Variants in MTMR3 observed in about 807,000 individuals in gnomAD.
MTMR3 encodes phosphatidylinositol-3,5-bisphosphate 3-phosphatase MTMR3.
MTMR3 carries 32 observed loss-of-function variants against 132.4 expected under a neutral mutation model. The observed-to-expected ratio is 0.24, with a 90% CI of 0.18 to 0.32. MTMR3 has a LOEUF of 0.32. Among genes scored for constraint, MTMR3 ranks in the 10% least tolerant of loss-of-function variants. The pLI, the probability that MTMR3 is intolerant of heterozygous loss-of-function variation, is 1.00. For synonymous variants in MTMR3, 556 were observed against 550.3 expected (o/e 1.01, Z -0.14); for missense variants, 1,216 against 1,489.6 (o/e 0.82, Z 3.02).
rs768504864 is a variant in MTMR3 at position 29,979,101 on chromosome 22, G to A, written c.210+49G>A. ...CCTCTAAGGTAAATGGAGAAAGTAA[G>A]TCAAAAAACTTAATGCTCTCAAAGA... On this transcript the variant is annotated intron_variant, in intron 5 of 19. Coordinates refer to ENST00000401950, the MANE Select transcript of MTMR3 (RefSeq NM_021090.4). 24 of 1,272,104 alleles carry A rather than the reference G, an allele frequency of 1.9e-5. No homozygotes were observed. In the South Asian group the frequency reaches 2.9e-4, roughly 15 times the overall value. 78.8% of individuals were successfully genotyped at this position (1,272,104 alleles called of 1,614,324 possible).
intron 8 of MTMR3, chr22:30,000,880 T>G (rs1025772848): frequency 6.6e-6 from 1 of 152,304 alleles, no homozygotes; most frequent in Non-Finnish European, 1.5e-5. Context: ...AAGAGCTGAC[T>G]ACTGGGAGTG....
intron 1 of MTMR3, among the ~76,000 whole-genome samples, chr22:29,884,551 CTTTTTTTTTTT>C (rs35960936): frequency 5.1e-4 from 32 of 62,684 alleles, no homozygotes; most frequent in Admixed American, 2.4e-3. Context: ...CAGAATGACA[CTTTTTTTTTTT>C]TTTTTTTTTT....
intron 12 of MTMR3, chr22:30,010,995 A>T (rs996314237): frequency 6.6e-6 from 1 of 152,240 alleles, no homozygotes; most frequent in Non-Finnish European, 1.5e-5. Flanking sequence ...GAGGAGTCAC[A>T]GTCTGGTTGG....
chr22:30,012,257 T>C (rs146297285), intron 12 of MTMR3, 111 bp from the exon 13 acceptor site: 35 of 1,212,118 alleles, frequency 2.9e-5, no homozygotes, highest in East Asian at 1.2e-4. Flanking sequence ...GGCAGTGTTA[T>C]ATTTGGAGAG....
At chr22:29,914,654 A>G (rs2065276227) in intron 1 of MTMR3, among the ~76,000 whole-genome samples, 1 of 152,042 alleles carries the variant, frequency 6.6e-6, no homozygotes, top group Admixed American at 6.5e-5. Context: ...AAGCCTATCT[A>G]AGGAATTGTC....
intron 2 of MTMR3, among the ~76,000 whole-genome samples, chr22:29,962,916 T>TTG (rs1555907213): frequency 2.7e-5 from 4 of 149,952 alleles, no homozygotes; most frequent in Non-Finnish European, 4.4e-5. Flanking sequence ...TTTTCTTTTT[T>TTG]TTTTTTTTTT....
chr22:29,896,426 A>G (rs2064897194), intron 1 of MTMR3, among the ~76,000 whole-genome samples: 1 of 152,190 alleles, frequency 6.6e-6, no homozygotes, highest in Admixed American at 6.5e-5. Context: ...TAGTTGTAAG[A>G]GGATCAGCTT....
At chr22:29,903,091 G>A (rs1191098746) in intron 1 of MTMR3, among the ~76,000 whole-genome samples, 1 of 152,150 alleles carries the variant, frequency 6.6e-6, no homozygotes. Context: ...TGGGCGTAAT[G>A]GCATGTGCCT....
At chr22:29,974,876 G>C (rs1213393195) in intron 3 of MTMR3, among the ~76,000 whole-genome samples, 1 of 152,100 alleles carries the variant, frequency 6.6e-6, no homozygotes, top group Non-Finnish European at 1.5e-5. Flanking sequence ...TAAGATTTTT[G>C]CTCCCCTCCA....
chr22:29,895,353 C>A lies in MTMR3; in HGVS notation c.-138+11994C>A, dbSNP rs182208313. 4.6e-5 allele frequency among the ~76,000 whole-genome samples: 7 copies of A among 152,288 alleles called. No individual in the cohort carries two copies. In the East Asian group the frequency reaches 7.7e-4, roughly 17 times the overall value. On this transcript the variant is annotated intron_variant, in intron 1 of 19. Coordinates refer to ENST00000401950, the MANE Select transcript of MTMR3 (RefSeq NM_021090.4). ...TCATTTATCAAAATAGGAACTGTTA[C>A]AATCAACACATTTTTACCGATGAGA...
At chr22:29,952,563 C>T (rs963036529) in intron 1 of MTMR3, among the ~76,000 whole-genome samples, 2 of 152,110 alleles carry the variant, frequency 1.3e-5, no homozygotes, top group Non-Finnish European at 2.9e-5. Flanking sequence ...GGATATCACA[C>T]CTGACCCTGG....
At chr22:29,973,761 A>G (rs2066580791) in intron 3 of MTMR3, among the ~76,000 whole-genome samples, 2 of 152,046 alleles carry the variant, frequency 1.3e-5, no homozygotes, top group East Asian at 1.9e-4. Flanking sequence ...CACCACGCCC[A>G]GCTAATTTTT....
chr22:29,887,478 GTA>G (rs1252360838), intron 1 of MTMR3, among the ~76,000 whole-genome samples: 1 of 152,186 alleles, frequency 6.6e-6, no homozygotes, highest in African/African-American at 2.4e-5. Flanking sequence ...AACCTAGTCT[GTA>G]TTGTCAAGTG....
At position 30,020,389 on chromosome 22, in the gene MTMR3, G is replaced by C; in HGVS notation, c.2730G>C (p.Leu910=). ...CTTCCCTTGGCAGCACTCTCAGCCT[G>C]ACACGTTCCCCTTGTGCCTTGCCTT... is the stretch of plus-strand genomic sequence containing the variant. ...HRTSLGSTLS[L]TRSPCALPLA... is the part of the protein sequence containing the mutation. The change falls in exon 17 of 20, where the codon CTG becomes CTC. Residue 910 remains leucine (L), a synonymous_variant. Coordinates refer to ENST00000401950, the MANE Select transcript of MTMR3 (RefSeq NM_021090.4). The C allele has an allele frequency of 6.2e-7, 1 of 1,614,218 alleles. No homozygotes were observed. Among genetic ancestry groups the C allele is most frequent in the Non-Finnish European group, 8.5e-7 (1 of 1,180,040 alleles).
At chr22:30,022,241 C>G in intron 18 of MTMR3, 102 bp downstream of exon 18, 1 of 873,966 alleles carries the variant, frequency 1.1e-6, no homozygotes, top group South Asian at 1.5e-5. Flanking sequence ...GAAGCACCTC[C>G]CAGCACAGCT....
rs1042754624 is a variant in MTMR3 at position 30,028,351 on chromosome 22, G to A, written c.*2550G>A. 2 of 152,394 alleles carry A rather than the reference G, an allele frequency of 1.3e-5. No homozygotes were observed. Among genetic ancestry groups the A allele is most frequent in the Non-Finnish European group, 2.9e-5 (2 of 68,072 alleles). 9.4% of individuals were successfully genotyped at this position (152,394 alleles called of 1,614,324 possible). ...ACTGGGGGCAGAAATGGAATTAGAT[G>A]TGATTGGGTTATGCAGTCAACTAGA... On this transcript the variant is annotated 3_prime_UTR_variant, in exon 20 of 20. Coordinates refer to ENST00000401950, the MANE Select transcript of MTMR3 (RefSeq NM_021090.4).
intron 1 of MTMR3, among the ~76,000 whole-genome samples, chr22:29,934,229 C>T (rs1022212896): frequency 1.3e-5 from 2 of 152,070 alleles, no homozygotes; most frequent in African/African-American, 4.8e-5. Context: ...TGGCGGGCAC[C>T]TGTAGACTCA....
chr22:29,957,625 A>T (rs1264368481), intron 2 of MTMR3, among the ~76,000 whole-genome samples: 3 of 151,720 alleles, frequency 2.0e-5, no homozygotes, highest in Non-Finnish European at 2.9e-5. Context: ...TAGTTTGGAA[A>T]CTTTTTTTGT....
At chr22:29,920,224 A>AC (rs398036813) in intron 1 of MTMR3, among the ~76,000 whole-genome samples, 4 of 150,136 alleles carry the variant, frequency 2.7e-5, no homozygotes, top group South Asian at 2.1e-4. Context: ...AAAAAAAAAA[A>AC]CAAAAAACCC....
Sources: gnomAD v4.1 joint callset for allele counts (sites outside exome capture counted in the v4.1 genomes callset) on GRCh38, gnomAD v4.1.1 for gene constraint, MANE v1.5 for transcripts, NCBI Gene and HGNC (gene_info 2026-07-23, HGNC 2026-07-21) for gene names.